MYBPC1: variants seen among roughly 807,000 people sequenced by gnomAD.
The protein encoded by MYBPC1 is myosin-binding protein C, slow-type.
In MYBPC1, 52 loss-of-function variants were observed where a neutral mutation model predicts 147.1. The ratio of observed to expected loss-of-function variants is 0.35; its 90% CI spans 0.28 to 0.45. The LOEUF (loss-of-function observed/expected upper bound fraction) is 0.45, where lower values mean the gene tolerates loss of function less well. Ranked by LOEUF, MYBPC1 falls within the 20% of genes least tolerant of loss-of-function variation. The pLI is 1.00. For synonymous variants in MYBPC1, 477 were observed against 475.9 expected (o/e 1.00, Z -0.03); for missense variants, 1,228 against 1,440.3 (o/e 0.85, Z 2.39).
chr12:101,676,989 T>C (rs1208510131), intron 26 of MYBPC1, among the ~76,000 whole-genome samples: 1 of 152,206 alleles, frequency 6.6e-6, no homozygotes, highest in African/African-American at 2.4e-5. Flanking sequence ...CTAGGGTATA[T>C]GAATCTAATG....
chr12:101,691,673 G>A, the MYBPC1 span, among the ~76,000 whole-genome samples: 1 of 152,238 alleles, frequency 6.6e-6, no homozygotes, highest in East Asian at 1.9e-4. Flanking sequence ...TCCCTATTGT[G>A]CTATGGAAAT....
At chr12:101,687,867 T>A (rs1360721460), downstream of MYBPC1, among the ~76,000 whole-genome samples, 1 of 152,272 alleles carries the variant, frequency 6.6e-6, no homozygotes, top group Non-Finnish European at 1.5e-5. Context: ...TCCCCACTTA[T>A]GACTTAGGCT....
At chr12:101,647,504 T>G (rs1893446556) in intron 13 of MYBPC1, among the ~76,000 whole-genome samples, 1 of 152,238 alleles carries the variant, frequency 6.6e-6, no homozygotes, top group Admixed American at 6.5e-5. Flanking sequence ...TGATTTGACT[T>G]GGAGAACTGT....
chr12:101,653,094 A>C, intron 17 of MYBPC1, 21 bp from the exon 18 acceptor site: 2 of 1,603,380 alleles, frequency 1.2e-6, no homozygotes, highest in Non-Finnish European at 1.7e-6. Context: ...CTGATAACAA[A>C]GACTATGCTT....
intron 7 of MYBPC1, 135 bp downstream of exon 7, chr12:101,631,854 A>G: frequency 7.1e-7 from 1 of 1,406,642 alleles, no homozygotes; most frequent in Non-Finnish European, 1.0e-6. Flanking sequence ...CAGTGTCTAC[A>G]CTCTATTGCG....
At chr12:101,666,859 G>C in intron 22 of MYBPC1, 1 of 1,383,654 alleles carries the variant, frequency 7.2e-7, no homozygotes, top group East Asian at 2.6e-5. Flanking sequence ...TGGGAATATT[G>C]AATGACCAAG....
Position 101,646,919 on chromosome 12 carries a change from G to A in MYBPC1, c.1090+32G>A, listed in dbSNP as rs748178381. On this transcript the variant is annotated intron_variant, in intron 13 of 31. Transcript: ENST00000361466. Reference sequence around the variant, plus strand: ...ATGAAATCTCTTATTGTGGTCACCAGGAGCTGTTGGCTTCTTCTCCCAGGG... The same window carrying A: ...ATGAAATCTCTTATTGTGGTCACCAAGAGCTGTTGGCTTCTTCTCCCAGGG... The A allele has an allele frequency of 6.2e-6, 10 of 1,613,116 alleles. No individual in the cohort carries two copies. The East Asian group carries it at 2.2e-4, about 36-fold the overall frequency.
intron 3 of MYBPC1, among the ~76,000 whole-genome samples, chr12:101,623,343 A>C (rs1593733418): frequency 1.3e-5 from 2 of 152,218 alleles, no homozygotes; most frequent in African/African-American, 4.8e-5. Flanking sequence ...TGTCTCAAAA[A>C]ACAAACAAAA....
At position 101,653,186 on chromosome 12, in the gene MYBPC1, C is replaced by T. The variant is rs771933802; in HGVS notation, c.1705C>T (p.Arg569Cys). The change falls in exon 18 of 32, where the codon CGT (arginine) becomes TGT (cysteine). Residue 569 changes from arginine (R) to cysteine (C), a missense_variant. Coordinates refer to ENST00000361466, the MANE Select transcript of MYBPC1 (RefSeq NM_002465.4). ...GACAGTGATTGCAGGAAACAAGCTTCGTCTTGAGATCCCCATCAGCGGAGA... is the reference window on the plus strand; with the variant it reads ...GACAGTGATTGCAGGAAACAAGCTTTGTCTTGAGATCCCCATCAGCGGAGA... ...TVTVIAGNKL[R>C]LEIPISGEPP... 30 of 1,614,012 alleles carry T rather than the reference C, an allele frequency of 1.9e-5. No homozygotes were observed. The highest frequency in any genetic ancestry group is 4.0e-5 in the African/African-American group (3 of 74,906).
At chr12:101,668,549 C>A (rs562594221) in intron 23 of MYBPC1, among the ~76,000 whole-genome samples, 35 of 152,206 alleles carry the variant, frequency 2.3e-4, no homozygotes, top group African/African-American at 8.4e-4. Flanking sequence ...CAACCTCTGC[C>A]TCCCGGGTTC....
intron 1 of MYBPC1, chr12:101,600,289 C>G (rs1488177237): frequency 6.6e-6 from 1 of 151,856 alleles, no homozygotes; most frequent in African/African-American, 2.4e-5. Context: ...CCATGAGACA[C>G]AGCCTTGAAA....
intron 18 of MYBPC1, among the ~76,000 whole-genome samples, chr12:101,655,336 G>A (rs1895360123): frequency 6.6e-6 from 1 of 152,170 alleles, no homozygotes. Flanking sequence ...GCAATAAAAT[G>A]TCTCAGATAA....
chr12:101,656,233 A>C (rs984553662), intron 18 of MYBPC1, among the ~76,000 whole-genome samples: 1 of 152,148 alleles, frequency 6.6e-6, no homozygotes. Flanking sequence ...AATCACATAG[A>C]ATGCTTAATT....
chr12:101,598,867 C>CT (rs1878604155), intron 1 of MYBPC1, among the ~76,000 whole-genome samples: 1 of 152,162 alleles, frequency 6.6e-6, no homozygotes, highest in Non-Finnish European at 1.5e-5. Context: ...CAGGTGTGAG[C>CT]CACTGTGCCT....
At chr12:101,611,726 G>C (rs1884333935) in intron 1 of MYBPC1, among the ~76,000 whole-genome samples, 1 of 152,176 alleles carries the variant, frequency 6.6e-6, no homozygotes, top group African/African-American at 2.4e-5. Context: ...ATAGTGAAAA[G>C]AGAATGTGTT....
chr12:101,633,910 T>C (rs1339093109), intron 8 of MYBPC1, among the ~76,000 whole-genome samples: 2 of 146,744 alleles, frequency 1.4e-5, no homozygotes, highest in African/African-American at 4.9e-5. Flanking sequence ...TTTTTTTTTT[T>C]AGACGGAGTC....
chr12:101,641,115 G>GAA (rs34380289), intron 10 of MYBPC1, among the ~76,000 whole-genome samples: 3,246 of 105,942 alleles, frequency 0.031, 211 homozygotes, highest in East Asian at 0.27. Context: ...CTGTCTCAAA[G>GAA]AAAAAAAAAA....
chr12:101,688,487 A>C (rs930310323), downstream of MYBPC1, among the ~76,000 whole-genome samples: 2 of 152,298 alleles, frequency 1.3e-5, no homozygotes, highest in Middle Eastern at 6.8e-3. Context: ...GAATGTTCTC[A>C]TCTAAATTAA....
intron 18 of MYBPC1, among the ~76,000 whole-genome samples, chr12:101,654,726 C>G (rs1011765324): frequency 6.6e-6 from 1 of 152,186 alleles, no homozygotes; most frequent in Admixed American, 6.5e-5. Flanking sequence ...GAGAAGTGGA[C>G]TGGCACTCAC....
Sources: allele counts gnomAD v4.1 joint callset (sites outside exome capture counted in the v4.1 genomes callset), GRCh38; gene constraint gnomAD v4.1.1; transcripts MANE v1.5; gene names NCBI Gene and HGNC (gene_info 2026-07-23, HGNC 2026-07-21).